The following DNAJC1 variants were observed in gnomAD, a reference collection of about 807,000 sequenced individuals.
The protein encoded by DNAJC1 is dnaJ homolog subfamily C member 1.
Under a neutral mutation model 76.6 loss-of-function variants are expected in DNAJC1, and 58 were observed. That is an observed-to-expected ratio of 0.76 (90% CI 0.61 to 0.94). DNAJC1 has a LOEUF of 0.94. DNAJC1 is among the 40% of genes least tolerant of loss of function. The pLI, the probability that DNAJC1 is intolerant of heterozygous loss-of-function variation, is 0.00. For missense variants in DNAJC1, 689 were observed against 677.3 expected, an observed-to-expected ratio of 1.02 and a Z score of -0.19; for synonymous variants, 258 against 267.9, an observed-to-expected ratio of 0.96 and a Z score of 0.36.
intron 8 of DNAJC1, among the ~76,000 whole-genome samples, chr10:21,871,912 G>C (rs1836110890): frequency 6.6e-6 from 1 of 151,830 alleles, no homozygotes; most frequent in South Asian, 2.1e-4. Context: ...TGAGATTACA[G>C]GTGTGAATCA....
chr10:21,956,784 CA>C (rs1199151403), intron 1 of DNAJC1, among the ~76,000 whole-genome samples: 7 of 149,244 alleles, frequency 4.7e-5, no homozygotes, highest in African/African-American at 1.7e-4. Context: ...AAACAAAAAA[CA>C]GATGCAGTTA....
intron 1 of DNAJC1, among the ~76,000 whole-genome samples, chr10:21,976,404 TACAA>T (rs1564842884): frequency 6.6e-6 from 1 of 152,186 alleles, no homozygotes. Flanking sequence ...AGGCAATCCA[TACAA>T]ACATTTATTA....
chr10:21,776,287 C>G (rs1398390563), intron 9 of DNAJC1, among the ~76,000 whole-genome samples: 1 of 152,132 alleles, frequency 6.6e-6, no homozygotes, highest in Non-Finnish European at 1.5e-5. Flanking sequence ...ACTTTCTGAG[C>G]TATATAAAGT....
chr10:21,925,433 C>T (rs1837111877), intron 3 of DNAJC1, among the ~76,000 whole-genome samples: 1 of 152,114 alleles, frequency 6.6e-6, no homozygotes, highest in African/African-American at 2.4e-5. Flanking sequence ...AATTGCACTC[C>T]TAGGAATCTA....
At chr10:21,877,309 T>C (rs1836202383) in intron 8 of DNAJC1, among the ~76,000 whole-genome samples, 1 of 151,514 alleles carries the variant, frequency 6.6e-6, no homozygotes, top group African/African-American at 2.4e-5. Flanking sequence ...CATATATATA[T>C]ATATTTGAAC....
chr10:21,779,596 C>G (rs1037023559), intron 9 of DNAJC1, among the ~76,000 whole-genome samples: 1 of 152,142 alleles, frequency 6.6e-6, no homozygotes, highest in Admixed American at 6.5e-5. Context: ...CCCATCTGTA[C>G]GTCACCATCA....
intron 3 of DNAJC1, among the ~76,000 whole-genome samples, chr10:21,927,698 T>C (rs535744594): frequency 6.6e-6 from 1 of 152,334 alleles, no homozygotes; most frequent in African/African-American, 2.4e-5. Context: ...ACTATTGTTT[T>C]AGTTATGTGT....
intron 7 of DNAJC1, among the ~76,000 whole-genome samples, chr10:21,898,205 A>T (rs1836577193): frequency 6.6e-6 from 1 of 152,248 alleles, no homozygotes; most frequent in African/African-American, 2.4e-5. Context: ...TGAAGAAATA[A>T]ATCAATGAAG....
At chr10:21,901,032 C>A (rs1836644276) in intron 7 of DNAJC1, among the ~76,000 whole-genome samples, 1 of 152,206 alleles carries the variant, frequency 6.6e-6, no homozygotes, top group Non-Finnish European at 1.5e-5. Context: ...TGTCCCCCCA[C>A]TTTCTCGCTA....
chr10:21,964,231 T>A (rs1837849752), intron 1 of DNAJC1, among the ~76,000 whole-genome samples: 1 of 152,212 alleles, frequency 6.6e-6, no homozygotes, highest in Admixed American at 6.5e-5. Flanking sequence ...TTTTATTTTT[T>A]TTAGACAGGG....
At position 21,759,189 on chromosome 10, in the gene DNAJC1, C is replaced by A. The variant is rs199787384; in HGVS notation, c.1577G>T (p.Cys526Phe). 168 of 1,613,904 alleles carry A rather than the reference C, an allele frequency of 1.0e-4. No individual in the cohort carries two copies. The highest frequency in any genetic ancestry group is 1.3e-4 in the Non-Finnish European group (159 of 1,179,954). ...ACTCACCTTGCTCTTGGACGGGACA[C>A]ATCTGGCTATTTTGTCCCAGCGGTC... ...SSDRWDKIARCVPSKSKEDCI... is the reference protein window; with the variant it reads ...SSDRWDKIARFVPSKSKEDCI... The change falls in exon 11 of 12, where the codon TGT becomes TTT. Residue 526 changes from cysteine (C) to phenylalanine (F), a missense_variant. By Grantham distance (205) the Cys-to-Phe change is radical. Coordinates refer to ENST00000376980, the MANE Select transcript of DNAJC1 (RefSeq NM_022365.4).
chr10:21,833,771 C>T (rs1335617165), intron 8 of DNAJC1, among the ~76,000 whole-genome samples: 3 of 152,042 alleles, frequency 2.0e-5, no homozygotes, highest in African/African-American at 7.2e-5. Flanking sequence ...TATCACTGTA[C>T]CACCCACTCA....
rs1430497140 is a variant in DNAJC1 at position 21,806,072 on chromosome 10, T to G, written c.1006A>C (p.Ser336Arg). Residue 336 changes from serine to arginine, a missense_variant, in exon 9 of 12, where the codon AGC becomes CGC. Physicochemically the swap from Ser to Arg is moderately radical, Grantham distance 110 (BLOSUM62 -1). Transcript: ENST00000376980. ...QAPEWTEEDLSQLTRSMVKFP... is the reference protein window; with the variant it reads ...QAPEWTEEDLRQLTRSMVKFP... ...TTAACCATACTTCTTGTCAGTTGGC[T>G]GAGGTCCTCTTCTGTCCATTCAGGT... 1 of 1,612,298 alleles carries G rather than the reference T, an allele frequency of 6.2e-7. No homozygotes were observed. Among genetic ancestry groups the G allele is most frequent in the Admixed American group, 1.7e-5 (1 of 59,886 alleles).
chr10:21,889,390 G>T (rs1027749760), intron 7 of DNAJC1, among the ~76,000 whole-genome samples: 3 of 151,864 alleles, frequency 2.0e-5, no homozygotes, highest in Admixed American at 2.0e-4. Context: ...ATGAGATTTG[G>T]GTGGGAGCAC....
chr10:21,815,820 A>G (rs1216811533), intron 8 of DNAJC1, among the ~76,000 whole-genome samples: 1 of 151,286 alleles, frequency 6.6e-6, no homozygotes, highest in East Asian at 2.0e-4. Context: ...AACTTGGCGC[A>G]CTACAACCTC....
chr10:21,961,435 C>A (rs1837788821), intron 1 of DNAJC1, among the ~76,000 whole-genome samples: 1 of 152,074 alleles, frequency 6.6e-6, no homozygotes, highest in Non-Finnish European at 1.5e-5. Context: ...CAAAGATGAA[C>A]CTTGAAAACA....
chr10:21,831,717 G>A (rs1284252542), intron 8 of DNAJC1, among the ~76,000 whole-genome samples: 1 of 150,228 alleles, frequency 6.7e-6, no homozygotes, highest in Non-Finnish European at 1.5e-5. Flanking sequence ...GTGAACCTAG[G>A]AGGTGGAGCT....
chr10:21,983,525 G>T (rs1031090182), intron 1 of DNAJC1, among the ~76,000 whole-genome samples: 1 of 152,194 alleles, frequency 6.6e-6, no homozygotes. Context: ...AGGAGTTCGA[G>T]ACCAGCCTGT....
chr10:21,911,382 AC>A (rs1386042891), intron 6 of DNAJC1, among the ~76,000 whole-genome samples: 3,605 of 152,318 alleles, frequency 0.024, 130 homozygotes, highest in African/African-American at 0.081. Flanking sequence ...ATTGACTTAT[AC>A]TATAATCTCA....
Sources: gnomAD v4.1 joint callset for allele counts (sites outside exome capture counted in the v4.1 genomes callset) on GRCh38, gnomAD v4.1.1 for gene constraint, MANE v1.5 for transcripts, NCBI Gene and HGNC (gene_info 2026-07-23, HGNC 2026-07-21) for gene names.